The following PTBP3 variants were observed in gnomAD, a reference collection of about 807,000 sequenced individuals.
PTBP3 encodes polypyrimidine tract binding protein 3.
Under a neutral mutation model 58.7 loss-of-function variants are expected in PTBP3, and 20 were observed. The ratio of observed to expected loss-of-function variants is 0.34; its 90% confidence interval spans 0.24 to 0.50. PTBP3 has a LOEUF of 0.50. Ranked by LOEUF, PTBP3 falls within the 20% of genes least tolerant of loss-of-function variation. The pLI, the probability that PTBP3 is intolerant of heterozygous loss-of-function variation, is 0.98. For missense variants in PTBP3, 509 were observed against 637.2 expected, an observed-to-expected ratio of 0.80 and a Z score of 2.17; for synonymous variants, 185 against 219.8, an observed-to-expected ratio of 0.84 and a Z score of 1.40.
At chr9:112,286,844 G>A (rs1828141378) in intron 2 of PTBP3, among the ~76,000 whole-genome samples, 1 of 152,132 alleles carries the variant, frequency 6.6e-6, no homozygotes, top group Non-Finnish European at 1.5e-5. Flanking sequence ...GCTCTTGTGT[G>A]CCTGAAAGAA....
the PTBP3 span, among the ~76,000 whole-genome samples, chr9:112,352,934 G>A: frequency 6.6e-5 from 10 of 150,398 alleles, no homozygotes; most frequent in South Asian, 2.1e-4. Flanking sequence ...AGAGTCTTCT[G>A]CTCTTTCCCA....
At chr9:112,357,064 T>C in the PTBP3 span, among the ~76,000 whole-genome samples, 11 of 151,946 alleles carry the variant, frequency 7.2e-5, no homozygotes, top group Non-Finnish European at 1.6e-4. Flanking sequence ...GTATTTTTAG[T>C]AGAGACGGGG....
At position 112,221,245 on chromosome 9, in the gene PTBP3, A is replaced by T; in HGVS notation, c.*2606T>A. Reference sequence around the variant, plus strand: ...TGTATATACAACTTTAGAAGAGTGTATTTATGTATATACACTTATCTACAC... The same window carrying T: ...TGTATATACAACTTTAGAAGAGTGTTTTTATGTATATACACTTATCTACAC... On this transcript the variant is annotated 3_prime_UTR_variant, in exon 14 of 14. Transcript: ENST00000374257. 1.0e-6 allele frequency: 1 copy of T among 984,972 alleles called. No homozygotes were observed. Among genetic ancestry groups the T allele is most frequent in the African/African-American group, 1.7e-5 (1 of 57,310 alleles). The allele number at this position is 984,972 out of a possible 1,614,324, so 61.0% of individuals were successfully genotyped here.
intron 8 of PTBP3, among the ~76,000 whole-genome samples, 194 bp from the exon 9 acceptor site, chr9:112,232,432 A>C (rs747276496): frequency 4.6e-5 from 7 of 152,164 alleles, no homozygotes; most frequent in Non-Finnish European, 8.8e-5. Context: ...TATTGACATT[A>C]CTATACTTAG....
the PTBP3 span, among the ~76,000 whole-genome samples, chr9:112,365,619 AGTACCAGTG>A: frequency 2.0e-5 from 3 of 152,154 alleles, no homozygotes; most frequent in Non-Finnish European, 4.4e-5. Flanking sequence ...ACAGTAAATT[AGTACCAGTG>A]GTGTGGGGTG....
chr9:112,298,843 A>T (rs1828800743), intron 1 of PTBP3, among the ~76,000 whole-genome samples: 1 of 152,210 alleles, frequency 6.6e-6, no homozygotes, highest in Non-Finnish European at 1.5e-5. Context: ...TATTTAAACA[A>T]GTCCTGTATT....
rs200618350 is a variant in PTBP3, at chr9:112,262,598, C to A, written c.353G>T (p.Arg118Leu). 6.4e-7 allele frequency: 1 copy of A among 1,558,376 alleles called. No homozygotes were observed. Among genetic ancestry groups the A allele is most frequent in the South Asian group, 1.2e-5 (1 of 82,366 alleles). ...LKTDNLPNQARAQAALQAVSA... is the reference protein window; with the variant it reads ...LKTDNLPNQALAQAALQAVSA... ...GACAGCCTGCAGTGCAGCTTGGGCT[C>A]GCTATAGAACAACCCAAAATGAGAA... is the stretch of plus-strand genomic sequence containing the variant. Residue 118 changes from arginine (R) to leucine (L), a missense_variant and splice_region_variant, in exon 5 of 14, where the codon CGA (arginine) becomes CTA (leucine). Arg to Leu is a moderately radical substitution (Grantham distance 102). This residue lies in a region of PTBP3 where 212 missense variants were observed against 215.3 expected (regional missense o/e 0.98). Coordinates refer to ENST00000374257, the MANE Select transcript of PTBP3 (RefSeq NM_001163788.4).
chr9:112,272,837 G>C (rs1300093107), intron 3 of PTBP3: 1 of 152,034 alleles, frequency 6.6e-6, no homozygotes, highest in Non-Finnish European at 1.5e-5. Context: ...CCAGGCACAA[G>C]AGCATTTAAT....
the PTBP3 span, among the ~76,000 whole-genome samples, chr9:112,356,580 G>C: frequency 5.3e-5 from 1 of 18,950 alleles, no homozygotes; most frequent in Admixed American, 7.1e-4. Context: ...AAGCAACAGA[G>C]CAAAAAAAAA....
chr9:112,245,918 G>C (rs1428112571), intron 7 of PTBP3, among the ~76,000 whole-genome samples: 2 of 152,076 alleles, frequency 1.3e-5, no homozygotes, highest in East Asian at 3.9e-4. Flanking sequence ...TGAAAGTGAT[G>C]ATAAGAAACC....
upstream of PTBP3, chr9:112,333,790 C>G (rs1830494543): frequency 3.9e-6 from 1 of 254,964 alleles, no homozygotes; most frequent in Non-Finnish European, 7.4e-6. Context: ...AGCCGGCCTC[C>G]GGCTCAGCTC....
intron 8 of PTBP3, 124 bp downstream of exon 8, chr9:112,234,696 A>G (rs1292874615): frequency 6.1e-6 from 5 of 817,308 alleles, no homozygotes; most frequent in Non-Finnish European, 9.7e-6. Flanking sequence ...ACACTTCTAC[A>G]GCTGATATGC....
At chr9:112,267,432 G>A (rs1415074327) in intron 4 of PTBP3, among the ~76,000 whole-genome samples, 2 of 151,926 alleles carry the variant, frequency 1.3e-5, no homozygotes, top group African/African-American at 4.8e-5. Flanking sequence ...CTCCCAAACC[G>A]CGCCCGGCCA....
upstream of PTBP3, among the ~76,000 whole-genome samples, chr9:112,338,083 C>A (rs1325699685): frequency 1.3e-5 from 2 of 152,120 alleles, no homozygotes; most frequent in African/African-American, 4.8e-5. Context: ...CTGTATGATT[C>A]CATTTCTATA....
intron 1 of PTBP3, among the ~76,000 whole-genome samples, chr9:112,322,431 G>T (rs1829993487): frequency 6.6e-6 from 1 of 152,122 alleles, no homozygotes; most frequent in African/African-American, 2.4e-5. Context: ...TTAATCAAAA[G>T]GCTATGGAAT....
chr9:112,284,430 T>A (rs552954533), intron 2 of PTBP3, among the ~76,000 whole-genome samples: 1 of 152,308 alleles, frequency 6.6e-6, no homozygotes, highest in East Asian at 1.9e-4. Flanking sequence ...ACATGGTGGC[T>A]CACACCTATA....
At chr9:112,256,623 T>C (rs1209964936) in intron 5 of PTBP3, among the ~76,000 whole-genome samples, 4 of 152,102 alleles carry the variant, frequency 2.6e-5, no homozygotes, top group Non-Finnish European at 5.9e-5. Flanking sequence ...CTTGAACTCC[T>C]GGGCTCAAGC....
chr9:112,355,553 T>C, the PTBP3 span, among the ~76,000 whole-genome samples: 1,015 of 152,332 alleles, frequency 6.7e-3, 18 homozygotes, highest in African/African-American at 0.022. Flanking sequence ...CGTCTTCTTT[T>C]GTTTCCATTA....
At chr9:112,227,027 A>AT (rs1393518112) in intron 12 of PTBP3, among the ~76,000 whole-genome samples, 4 of 152,202 alleles carry the variant, frequency 2.6e-5, no homozygotes, top group Non-Finnish European at 4.4e-5. Flanking sequence ...TATGAAATCC[A>AT]TTTTTACCAA....
Sources: gnomAD v4.1 joint callset for allele counts (sites outside exome capture counted in the v4.1 genomes callset) on GRCh38, gnomAD v4.1.1 for gene constraint, gnomAD v4.1.1 regional missense constraint, MANE v1.5 for transcripts, NCBI Gene and HGNC (gene_info 2026-07-23, HGNC 2026-07-21) for gene names.